The following CLIP1 variants were observed in gnomAD, a reference collection of about 807,000 sequenced individuals.
CLIP1 encodes CAP-Gly domain containing linker protein 1, also known as CAP-Gly domain-containing linker protein 1.
Under a neutral mutation model 161.6 loss-of-function variants are expected in CLIP1, and 66 were observed. The ratio of observed to expected loss-of-function variants is 0.41; its 90% confidence interval spans 0.33 to 0.50. CLIP1 has a LOEUF of 0.50. CLIP1 is among the 20% of genes least tolerant of loss of function. The pLI, the probability that CLIP1 is intolerant of heterozygous loss-of-function variation, is 0.27. For missense variants in CLIP1, 1,376 were observed against 1,702.0 expected (o/e 0.81, Z 3.37); for synonymous variants, 598 against 626.2 (o/e 0.96, Z 0.67).
At position 122,334,243 on chromosome 12, in the gene CLIP1, T is replaced by C. The variant is rs145398664; in HGVS notation, c.2627-133A>G. The stretch of plus-strand genomic sequence containing the variant: ...ACACAGGAATACTAAAAAGTCCCCT[T>C]ACAAATCACATGGCTGTGTCCAGCC... On this transcript the variant is annotated intron_variant, in intron 13 of 25. Transcript: ENST00000620786. 5.1e-5 allele frequency: 33 copies of C among 642,102 alleles called. No individual in the cohort carries two copies. The Admixed American group carries it at 8.3e-4, about 16-fold the overall frequency. 39.8% of individuals were successfully genotyped at this position (642,102 alleles called of 1,614,324 possible).
chr12:122,368,827 A>G (rs1162772802), intron 3 of CLIP1, among the ~76,000 whole-genome samples: 1 of 151,834 alleles, frequency 6.6e-6, no homozygotes, highest in Non-Finnish European at 1.5e-5. Flanking sequence ...GCTACTCGGG[A>G]GGTTGAGGCG....
At chr12:122,357,681 G>C (rs1234434426) in intron 5 of CLIP1, among the ~76,000 whole-genome samples, 2 of 149,326 alleles carry the variant, frequency 1.3e-5, no homozygotes, top group African/African-American at 4.9e-5. Flanking sequence ...CGTCCGGGAG[G>C]GAGATGGGGG....
At position 122,378,982 on chromosome 12, in the gene CLIP1, G is replaced by A. The variant is rs141198652; in HGVS notation, c.86-1022C>T. Among the ~76,000 whole-genome samples, 296 of 151,950 alleles carry A rather than the reference G, an allele frequency of 1.9e-3. 1 individual carries two copies. The highest frequency in any genetic ancestry group is 6.4e-3 in the African/African-American group (267 of 41,456). ...CTCTACTAAAAATACAAAATTAGCC[G>A]GGCATGGTGGAGCGCGCCTGTAGTC... On this transcript the variant is annotated intron_variant, in intron 2 of 25. Coordinates refer to ENST00000620786, the MANE Select transcript of CLIP1 (RefSeq NM_001247997.2).
intron 1 of CLIP1, among the ~76,000 whole-genome samples, chr12:122,388,646 G>A (rs554245518): frequency 9.2e-5 from 14 of 152,220 alleles, no homozygotes; most frequent in Admixed American, 5.2e-4. Flanking sequence ...GTAGCTCACC[G>A]CACCCTTTGA....
At chr12:122,422,273 G>T (rs1956976188) in intron 1 of CLIP1, among the ~76,000 whole-genome samples, 1 of 151,896 alleles carries the variant, frequency 6.6e-6, no homozygotes, top group South Asian at 2.1e-4. Flanking sequence ...GCCCGGCTCG[G>T]CGCTGACAGG....
intron 3 of CLIP1, among the ~76,000 whole-genome samples, chr12:122,375,321 T>C (rs1593193265): frequency 6.6e-6 from 1 of 152,010 alleles, no homozygotes; most frequent in Non-Finnish European, 1.5e-5. Flanking sequence ...AATTCTTTTT[T>C]TTTTTTTTTC....
intron 23 of CLIP1, 62 bp downstream of exon 23, chr12:122,278,730 T>A: frequency 6.7e-7 from 1 of 1,496,394 alleles, no homozygotes; most frequent in South Asian, 1.4e-5. Flanking sequence ...GCATCTCTAC[T>A]AGAAAGGGCT....
chr12:122,332,952 C>T, intron 15 of CLIP1, 35 bp downstream of exon 15: 1 of 1,587,550 alleles, frequency 6.3e-7, no homozygotes, highest in South Asian at 1.1e-5. Flanking sequence ...AGAGCCTAAC[C>T]TAAGGTCAGC....
chr12:122,418,299 C>T (rs985646119), intron 1 of CLIP1, among the ~76,000 whole-genome samples: 2 of 152,108 alleles, frequency 1.3e-5, no homozygotes, highest in African/African-American at 4.8e-5. Flanking sequence ...TATACCATAG[C>T]TCATCAAGCT....
At chr12:122,330,694 G>C (rs1465415372) in intron 15 of CLIP1, among the ~76,000 whole-genome samples, 1 of 141,488 alleles carries the variant, frequency 7.1e-6, no homozygotes, top group Non-Finnish European at 1.5e-5. Flanking sequence ...CTGCCTCCCA[G>C]GTTCAAATGA....
intron 18 of CLIP1, among the ~76,000 whole-genome samples, chr12:122,317,593 G>C (rs1429676463): frequency 6.6e-6 from 1 of 152,170 alleles, no homozygotes; most frequent in African/African-American, 2.4e-5. Flanking sequence ...CACCACCAAG[G>C]ATGGTAGCTC....
rs532280663 is a variant in CLIP1, at chr12:122,338,380, T to C, written c.2452-1632A>G. On this transcript the variant is annotated intron_variant, in intron 11 of 25. Transcript: ENST00000620786. ...TGGTCTACATTATTTTCTCTATTTGTGTATATGCTTAAAGTAGTTTGACAT... is the reference window on the plus strand; with the variant it reads ...TGGTCTACATTATTTTCTCTATTTGCGTATATGCTTAAAGTAGTTTGACAT... Among the ~76,000 whole-genome samples the C allele has an allele frequency of 3.9e-5, 6 of 152,246 alleles. No individual in the cohort carries two copies. The South Asian group carries it at 1.2e-3, about 32-fold the overall frequency.
intron 1 of CLIP1, among the ~76,000 whole-genome samples, chr12:122,398,431 A>T (rs1956012733): frequency 6.6e-6 from 1 of 151,980 alleles, no homozygotes; most frequent in African/African-American, 2.4e-5. Flanking sequence ...CCTTAAAAAA[A>T]AAAAAAAAAT....
intron 1 of CLIP1, among the ~76,000 whole-genome samples, chr12:122,402,362 C>T (rs1311731151): frequency 6.6e-6 from 1 of 152,108 alleles, no homozygotes; most frequent in Non-Finnish European, 1.5e-5. Flanking sequence ...GTGGCACACA[C>T]CTGCATCCCA....
chr12:122,364,909 A>C (rs1162579268), intron 3 of CLIP1: 2 of 575,178 alleles, frequency 3.5e-6, no homozygotes, highest in East Asian at 7.6e-5. Flanking sequence ...GCAGCCATAA[A>C]AAATGATGAG....
rs146694563 is a variant in CLIP1, at chr12:122,314,168, G to A, written c.3473+2581C>T. Among the ~76,000 whole-genome samples the A allele has an allele frequency of 2.2e-3, 330 of 151,960 alleles. 3 individuals carry two copies. Among genetic ancestry groups the A allele is most frequent in the African/African-American group, 7.7e-3 (321 of 41,432 alleles). On this transcript the variant is annotated intron_variant, in intron 19 of 25. Transcript: ENST00000620786. ...TAGATGGGTGTGGTGGCAGGCATCT[G>A]TAATCCCAGCTGCTCGGGAGGCTGA...
rs532325238 is a variant in CLIP1, at chr12:122,398,222, C to A, written c.-106-17664G>T. On this transcript the variant is annotated intron_variant, in intron 1 of 25. Transcript: ENST00000620786. ...CCAGAGGTCAGGAATTTGAGACCAG[C>A]CTGGCCAACATGGTGAAACCCTGTC... Among the ~76,000 whole-genome samples, 12 of 150,388 alleles carry A rather than the reference C, an allele frequency of 8.0e-5. No individual in the cohort carries two copies. The South Asian group carries it at 2.3e-3, about 29-fold the overall frequency.
At position 122,377,542 on chromosome 12, in the gene CLIP1, A is replaced by C; in HGVS notation, c.504T>G (p.Pro168=). The C allele has an allele frequency of 6.2e-7, 1 of 1,613,626 alleles. No individual in the cohort carries two copies. Among genetic ancestry groups the C allele is most frequent in the Non-Finnish European group, 8.5e-7 (1 of 1,179,928 alleles). ...SSSPSTPSNI[P]QKPSQPAAKE... ...TTGCTGCTGGCTGTGATGGTTTCTG[A>C]GGGATGTTTGAAGGGGTGGAGGGGG... Residue 168 remains proline (P), a synonymous_variant, in exon 3 of 26, where the codon CCT becomes CCG. Coordinates refer to ENST00000620786, the MANE Select transcript of CLIP1 (RefSeq NM_001247997.2).
rs1234628917 is a variant in CLIP1 at position 122,413,217 on chromosome 12, T to C, written c.-107+9304A>G. Among the ~76,000 whole-genome samples, 3 of 152,098 alleles carry C rather than the reference T, an allele frequency of 2.0e-5. No homozygotes were observed. In the East Asian group the frequency reaches 5.8e-4, roughly 29 times the overall value. On this transcript the variant is annotated intron_variant, in intron 1 of 25. Coordinates refer to ENST00000620786, the MANE Select transcript of CLIP1 (RefSeq NM_001247997.2). ...GAGGCAAGAGGTCAAAGGCCTTGAT[T>C]AAAAGATTTTCAGGAAAACATCCCT... is the stretch of plus-strand genomic sequence containing the variant.
Sources: allele counts gnomAD v4.1 joint callset (sites outside exome capture counted in the v4.1 genomes callset), GRCh38; gene constraint gnomAD v4.1.1; transcripts MANE v1.5; gene names NCBI Gene and HGNC (gene_info 2026-07-23, HGNC 2026-07-21).